Variants in PARP8 observed in about 807,000 individuals in gnomAD.
PARP8 encodes the protein poly(ADP-ribose) polymerase family member 8, also known as protein mono-ADP-ribosyltransferase PARP8.
In PARP8, 51 loss-of-function variants were observed where a neutral mutation model predicts 124.1. The ratio of observed to expected loss-of-function variants is 0.41; its 90% confidence interval spans 0.33 to 0.52. PARP8 has a LOEUF of 0.52. Ranked by LOEUF, PARP8 falls within the 20% of genes least tolerant of loss-of-function variation. The pLI is 0.21. For synonymous variants in PARP8, 391 were observed against 361.5 expected (o/e 1.08, Z -0.93); for missense variants, 860 against 1,018.9 (o/e 0.84, Z 2.12).
chr5:50,766,336 ATCAT>A (rs1761058252), intron 7 of PARP8, among the ~76,000 whole-genome samples: 1 of 152,210 alleles, frequency 6.6e-6, no homozygotes, highest in Non-Finnish European at 1.5e-5. Context: ...CTCATCTTGA[ATCAT>A]TCAACAAAAC....
chr5:50,825,245 T>C (rs536950553), intron 18 of PARP8, among the ~76,000 whole-genome samples: 1 of 152,282 alleles, frequency 6.6e-6, no homozygotes, highest in Admixed American at 6.5e-5. Flanking sequence ...TTGCCTATAG[T>C]TTTAAAAGAT....
At chr5:50,713,852 C>T (rs1200146442) in intron 2 of PARP8, among the ~76,000 whole-genome samples, 4 of 151,922 alleles carry the variant, frequency 2.6e-5, no homozygotes, top group African/African-American at 9.7e-5. Context: ...CTGCTGCAGC[C>T]TAGCAAGATG....
intron 7 of PARP8, among the ~76,000 whole-genome samples, chr5:50,764,232 T>C (rs1760840393): frequency 6.6e-6 from 1 of 152,230 alleles, no homozygotes; most frequent in African/African-American, 2.4e-5. Context: ...ATTCAGTGAA[T>C]GGTTGGGCAG....
At chr5:50,748,263 A>G (rs1416090343) in intron 2 of PARP8, among the ~76,000 whole-genome samples, 1 of 152,028 alleles carries the variant, frequency 6.6e-6, no homozygotes, top group Non-Finnish European at 1.5e-5. Context: ...TAGGGTTAAT[A>G]TATCATTTTA....
At chr5:50,790,450 C>T (rs1741817648) in intron 10 of PARP8, among the ~76,000 whole-genome samples, 2 of 152,142 alleles carry the variant, frequency 1.3e-5, no homozygotes, top group East Asian at 3.8e-4. Context: ...GGTACCATTT[C>T]ACCTTGACAC....
At chr5:50,827,603 T>A (rs1441018819) in intron 19 of PARP8, among the ~76,000 whole-genome samples, 2 of 152,176 alleles carry the variant, frequency 1.3e-5, no homozygotes, top group Admixed American at 1.3e-4. Flanking sequence ...AGGGACTCAA[T>A]AATAAAAATG....
chr5:50,749,793 T>C (rs1422578440), intron 2 of PARP8, among the ~76,000 whole-genome samples: 1 of 152,028 alleles, frequency 6.6e-6, no homozygotes, highest in Non-Finnish European at 1.5e-5. Flanking sequence ...ACTTTTTTGG[T>C]AAGAAAAGAT....
chr5:50,736,706 C>T (rs1228933071), intron 2 of PARP8, among the ~76,000 whole-genome samples: 1 of 152,120 alleles, frequency 6.6e-6, no homozygotes, highest in Non-Finnish European at 1.5e-5. Context: ...TAATTTATGC[C>T]TATCATTCCA....
At chr5:50,752,097 CT>C (rs1198634422) in intron 3 of PARP8, among the ~76,000 whole-genome samples, 9 of 151,850 alleles carry the variant, frequency 5.9e-5, no homozygotes, top group Non-Finnish European at 7.4e-5. Flanking sequence ...GGAAATTACT[CT>C]TTTTCTCATT....
intron 19 of PARP8, among the ~76,000 whole-genome samples, chr5:50,827,412 T>G (rs1286408461): frequency 6.6e-6 from 1 of 152,138 alleles, no homozygotes; most frequent in East Asian, 1.9e-4. Context: ...ATCCAAAAGA[T>G]TCTGCTTTCA....
At chr5:50,710,453 GCTT>G (rs1276920507) in intron 2 of PARP8, among the ~76,000 whole-genome samples, 1 of 151,936 alleles carries the variant, frequency 6.6e-6, no homozygotes, top group Non-Finnish European at 1.5e-5. Context: ...CATGCTTCAT[GCTT>G]CTTATTTATA....
At position 50,684,695 on chromosome 5, in the gene PARP8, T is replaced by C. The variant is rs559161507; in HGVS notation, c.146+16570T>C. Among the ~76,000 whole-genome samples, 172 of 152,258 alleles carry C rather than the reference T, an allele frequency of 1.1e-3. 1 individual carries two copies. The highest frequency in any genetic ancestry group is 4.0e-3 in the African/African-American group (167 of 41,540). On this transcript the variant is annotated intron_variant, in intron 2 of 25. Coordinates refer to ENST00000281631, the MANE Select transcript of PARP8 (RefSeq NM_024615.4). ...CAGTATCTGGAATGATTTCTATAACTCACTTAACTTGCATATTTATACGTG... is the reference window on the plus strand; with the variant it reads ...CAGTATCTGGAATGATTTCTATAACCCACTTAACTTGCATATTTATACGTG...
intron 10 of PARP8, among the ~76,000 whole-genome samples, chr5:50,792,866 A>G (rs1263436062): frequency 6.6e-6 from 1 of 152,160 alleles, no homozygotes; most frequent in Non-Finnish European, 1.5e-5. Flanking sequence ...CAAAACTAGC[A>G]GAAAAAAGCC....
At chr5:50,732,686 T>C (rs934876770) in intron 2 of PARP8, among the ~76,000 whole-genome samples, 2 of 152,004 alleles carry the variant, frequency 1.3e-5, no homozygotes, top group Non-Finnish European at 2.9e-5. Context: ...TGGCGCGATC[T>C]TGTCTCACTG....
intron 2 of PARP8, among the ~76,000 whole-genome samples, chr5:50,700,642 T>G (rs1753495769): frequency 6.6e-6 from 1 of 152,178 alleles, no homozygotes; most frequent in South Asian, 2.1e-4. Flanking sequence ...AGGCAAGTAT[T>G]TAAATTGGTA....
chr5:50,694,111 G>A (rs1752780394), intron 2 of PARP8, among the ~76,000 whole-genome samples: 1 of 151,982 alleles, frequency 6.6e-6, no homozygotes, highest in Admixed American at 6.6e-5. Context: ...ATTTTATGTT[G>A]CTTCCAGTAT....
At chr5:50,723,165 A>T (rs1756071170) in intron 2 of PARP8, among the ~76,000 whole-genome samples, 1 of 152,106 alleles carries the variant, frequency 6.6e-6, no homozygotes, top group Non-Finnish European at 1.5e-5. Context: ...CAACTTTTAG[A>T]TGACTTGAAT....
chr5:50,840,767 T>G (rs1748094122), intron 25 of PARP8, among the ~76,000 whole-genome samples: 1 of 151,890 alleles, frequency 6.6e-6, no homozygotes, highest in South Asian at 2.1e-4. Context: ...TTAATCTCAG[T>G]AACAGAGCAC....
chr5:50,829,777 C>G (rs1165240311), intron 21 of PARP8, 115 bp from the exon 22 acceptor site: 5 of 996,566 alleles, frequency 5.0e-6, no homozygotes, highest in Non-Finnish European at 6.9e-6. Flanking sequence ...GGAATAGAAG[C>G]TCTGTCATTT....
Sources: gnomAD v4.1 joint callset for allele counts (sites outside exome capture counted in the v4.1 genomes callset) on GRCh38, gnomAD v4.1.1 for gene constraint, MANE v1.5 for transcripts, NCBI Gene and HGNC (gene_info 2026-07-23, HGNC 2026-07-21) for gene names.